Variants in RPGR observed in about 807,000 individuals in gnomAD.
RPGR encodes the protein X-linked retinitis pigmentosa GTPase regulator.
RPGR carries 10 observed loss-of-function variants against 56.3 expected under a neutral mutation model. The ratio of observed to expected loss-of-function variants is 0.18; its 90% confidence interval spans 0.11 to 0.30. The LOEUF is 0.30. Among genes scored for constraint, RPGR ranks in the 10% least tolerant of loss-of-function variants. RPGR has a pLI of 1.00. For synonymous variants in RPGR, 197 were observed against 212.9 expected (o/e 0.93, Z 0.65); for missense variants, 538 against 590.9 (o/e 0.91, Z 0.93).
chrX:38,285,447 T>C, intron 15 of RPGR: 1 of 1,177,890 alleles, frequency 8.5e-7, no homozygotes, highest in East Asian at 3.0e-5. Context: ...ATAATTGACA[T>C]AAAATCAATT....
chrX:38,315,770 T>C lies in RPGR; in HGVS notation c.619+1546A>G, dbSNP rs556450621. On this transcript the variant is annotated intron_variant, in intron 6 of 18. Coordinates refer to ENST00000642395, the MANE Select transcript of RPGR (RefSeq NM_000328.3). ...TACCCCATTCTCCATGATGTGATTATTGCCCATCACATGCCTGCATAAAAA... is the reference window on the plus strand; with the variant it reads ...TACCCCATTCTCCATGATGTGATTACTGCCCATCACATGCCTGCATAAAAA... Among the ~76,000 whole-genome samples the C allele has an allele frequency of 4.7e-5, 5 of 107,090 alleles. No individual in the cohort carries two copies. In the South Asian group the frequency reaches 2.1e-3, roughly 45 times the overall value. 93.0% of individuals were successfully genotyped at this position (107,090 alleles called of 115,157 possible). A position where few individuals can be genotyped will look rare whatever the true frequency, so the allele number is the denominator to read the frequency against.
At chrX:38,288,175 A>G in intron 13 of RPGR, 134 bp from the exon 14 acceptor site, 1 of 572,013 alleles carries the variant, frequency 1.7e-6, no homozygotes, top group Non-Finnish European at 2.8e-6. Flanking sequence ...GTTTTACCAG[A>G]TATTTTGCTA....
intron 15 of RPGR, chrX:38,286,646 C>A: frequency 8.8e-7 from 1 of 1,132,164 alleles, no homozygotes; most frequent in Non-Finnish European, 1.2e-6. Flanking sequence ...TCTCCTTTCT[C>A]CTCCTTCCCC....
At chrX:38,283,751 T>C (rs1398837593) in intron 15 of RPGR, among the ~76,000 whole-genome samples, 1 of 112,201 alleles carries the variant, frequency 8.9e-6, no homozygotes, top group Non-Finnish European at 1.9e-5. Flanking sequence ...TGATTATCTC[T>C]TCAGTAGAAG....
At chrX:38,297,521 TA>T in intron 10 of RPGR, 69 bp from the exon 11 acceptor site, 1 of 917,961 alleles carries the variant, frequency 1.1e-6, no homozygotes, top group Non-Finnish European at 1.5e-6. Context: ...TAAACTTTCC[TA>T]AAAGTTGCTA....
In RPGR at chrX:38,287,453, T is replaced by G. The variant is rs755212744; in HGVS notation, c.1754-208A>C. On this transcript the variant is annotated intron_variant, in intron 14 of 18. Transcript: ENST00000642395. ...TCAGCTATACCCTGTTGACTCTCAC[T>G]TGCACCTTCCATGTAACTGTCTGGC... 3.1e-5 allele frequency: 18 copies of G among 582,863 alleles called. No individual in the cohort carries two copies. In the South Asian group the frequency reaches 4.0e-4, roughly 13 times the overall value. 48.0% of individuals were successfully genotyped at this position (582,863 alleles called of 1,213,427 possible). A position where few individuals can be genotyped will look rare whatever the true frequency, so the allele number is the denominator to read the frequency against.
intron 15 of RPGR, among the ~76,000 whole-genome samples, chrX:38,281,657 G>A (rs2067033935): frequency 8.9e-6 from 1 of 111,764 alleles, no homozygotes; most frequent in South Asian, 3.7e-4. Context: ...TTTGCTGAGT[G>A]CCTATAACAT....
In RPGR at chrX:38,269,786, T is replaced by C; in HGVS notation, c.2288A>G (p.Lys763Arg). The change falls in exon 19 of 19, where the codon AAG (lysine) becomes AGG (arginine). Residue 763 changes from lysine (K) to arginine (R), a missense_variant. Physicochemically the swap from Lys to Arg is conservative, Grantham distance 26. This residue lies in a region of RPGR where 357 missense variants were observed against 325.8 expected (regional missense o/e 1.10). Transcript: ENST00000642395. ...CTCTGGGAGCGGCTCATTGTTATTCTTGACAATCTTTTGATTTATTGAGGG... is the reference window on the plus strand; with the variant it reads ...CTCTGGGAGCGGCTCATTGTTATTCCTGACAATCTTTTGATTTATTGAGGG... The C allele has an allele frequency of 8.3e-7, 1 of 1,210,015 alleles. No individual in the cohort carries two copies. The highest frequency in any genetic ancestry group is 1.1e-6 in the Non-Finnish European group (1 of 894,312).
At chrX:38,316,847 G>C (rs2067836138) in intron 6 of RPGR, among the ~76,000 whole-genome samples, 1 of 111,757 alleles carries the variant, frequency 8.9e-6, no homozygotes, top group African/African-American at 3.3e-5. Flanking sequence ...ATTTGTCTAA[G>C]AGGGTCCATA....
intron 11 of RPGR, among the ~76,000 whole-genome samples, chrX:38,293,800 G>T (rs1337504718): frequency 1.8e-5 from 2 of 111,423 alleles, no homozygotes; most frequent in Non-Finnish European, 3.8e-5. Flanking sequence ...TGTTACCAAA[G>T]ACCACTCTCT....
In RPGR at chrX:38,327,423, T is replaced by C; in HGVS notation, c.-56A>G. 1 of 1,115,174 alleles carries C rather than the reference T, an allele frequency of 9.0e-7. No homozygotes were observed. Among genetic ancestry groups the C allele is most frequent in the Admixed American group, 2.7e-5 (1 of 37,295 alleles). The allele number at this position is 1,115,174 out of a possible 1,213,427, so 91.9% of individuals were successfully genotyped here. On this transcript the variant is annotated 5_prime_UTR_variant, in exon 1 of 19. Coordinates refer to ENST00000642395, the MANE Select transcript of RPGR (RefSeq NM_000328.3). ...GGCCAGGAGGCTGTAGAGGACGGTT[T>C]GGTCGGGGCTAAAGCAGCTACTCCG... is the stretch of plus-strand genomic sequence containing the variant.
chrX:38,316,310 C>T, intron 6 of RPGR, among the ~76,000 whole-genome samples: 1 of 110,707 alleles, frequency 9.0e-6, no homozygotes. Flanking sequence ...GGCATAAAAA[C>T]AAACCAAAAA....
chrX:38,318,763 T>C, intron 5 of RPGR, 66 bp downstream of exon 5: 2 of 1,126,355 alleles, frequency 1.8e-6, no homozygotes, highest in South Asian at 3.7e-5. Flanking sequence ...TTCGGTTTAC[T>C]GAGTTGGCAT....
chrX:38,298,034 G>A (rs903308128), intron 10 of RPGR, among the ~76,000 whole-genome samples: 1 of 111,369 alleles, frequency 9.0e-6, no homozygotes, highest in Non-Finnish European at 1.9e-5. Flanking sequence ...TTGGGAGGCC[G>A]AGGCTGGTGG....
chrX:38,323,049 C>T, intron 2 of RPGR, 104 bp from the exon 3 acceptor site: 6 of 640,679 alleles, frequency 9.4e-6, no homozygotes, highest in Admixed American at 2.4e-5. Flanking sequence ...AATGTCACTG[C>T]TTTTCTGTGT....
At chrX:38,277,286 C>T (rs2066952234) in intron 15 of RPGR, among the ~76,000 whole-genome samples, 1 of 111,502 alleles carries the variant, frequency 9.0e-6, no homozygotes, top group South Asian at 3.7e-4. Flanking sequence ...ATGGTTTGCT[C>T]ATGGTTATTA....
In RPGR at chrX:38,270,116, C is replaced by T. The variant is rs573138189; in HGVS notation, c.2242-284G>A. Among the ~76,000 whole-genome samples the T allele has an allele frequency of 3.6e-5, 4 of 111,459 alleles. No homozygotes were observed. In the Middle Eastern group the frequency reaches 0.019, roughly 516 times the overall value. On this transcript the variant is annotated intron_variant, in intron 18 of 18. Coordinates refer to ENST00000642395, the MANE Select transcript of RPGR (RefSeq NM_000328.3). The stretch of plus-strand genomic sequence containing the variant: ...TTCAAAGAACAAATTTAATGTTTCA[C>T]TTTGTTAAGTTGTAAGAGAAAAAAT...
intron 18 of RPGR, among the ~76,000 whole-genome samples, chrX:38,271,848 A>G (rs1189806581): frequency 2.7e-5 from 3 of 112,580 alleles, no homozygotes; most frequent in Admixed American, 9.4e-5. Flanking sequence ...TAAGGATGAC[A>G]CTGGAATTAC....
chrX:38,304,574 T>C (rs375121559), intron 8 of RPGR, 61 bp downstream of exon 8: 7 of 931,498 alleles, frequency 7.5e-6, no homozygotes, highest in African/African-American at 2.0e-5. Flanking sequence ...TCACATATAA[T>C]TTATTTTGTA....
Sources: gnomAD v4.1 joint callset for allele counts (sites outside exome capture counted in the v4.1 genomes callset) on GRCh38, gnomAD v4.1.1 for gene constraint, gnomAD v4.1.1 regional missense constraint, MANE v1.5 for transcripts, NCBI Gene and HGNC (gene_info 2026-07-23, HGNC 2026-07-21) for gene names.